Variants in SUSD6 observed in about 807,000 individuals in gnomAD.
SUSD6 encodes the protein sushi domain containing 6.
In SUSD6, 16 loss-of-function variants were observed where a neutral mutation model predicts 28.4. The ratio of observed to expected loss-of-function variants is 0.56; its 90% CI spans 0.38 to 0.86. SUSD6 has a LOEUF of 0.86. Ranked by LOEUF, SUSD6 falls within the 40% of genes least tolerant of loss-of-function variation. The pLI is 0.00. For synonymous variants in SUSD6, 147 were observed against 159.6 expected (o/e 0.92, Z 0.59); for missense variants, 341 against 384.2 (o/e 0.89, Z 0.94).
intron 1 of SUSD6, among the ~76,000 whole-genome samples, chr14:69,655,635 T>C (rs1381374729): frequency 1.3e-5 from 2 of 150,584 alleles, no homozygotes; most frequent in Non-Finnish European, 3.0e-5. Flanking sequence ...CCTCTCTCTT[T>C]AAAAGAAAAA....
chr14:69,612,320 C>T (rs1416334493), intron 1 of SUSD6, among the ~76,000 whole-genome samples: 1 of 152,248 alleles, frequency 6.6e-6, no homozygotes, highest in Non-Finnish European at 1.5e-5. Flanking sequence ...TCTCAGAGCC[C>T]GCCTGTGCGC....
chr14:69,637,260 CCTTGGT>C (rs1885278423), intron 1 of SUSD6, among the ~76,000 whole-genome samples: 3 of 152,086 alleles, frequency 2.0e-5, no homozygotes, highest in Non-Finnish European at 4.4e-5. Flanking sequence ...GGGTGCCTCT[CCTTGGT>C]GCTGGCATTA....
At chr14:69,635,595 CCACACACACACACACACACA>C (rs3048696) in intron 1 of SUSD6, among the ~76,000 whole-genome samples, 13 of 143,614 alleles carry the variant, frequency 9.1e-5, no homozygotes, top group South Asian at 2.3e-4. Context: ...CCAAGGCACA[CCACACACACACACACACACA>C]CACACACACA....
chr14:69,674,670 G>A (rs570561428), intron 2 of SUSD6, among the ~76,000 whole-genome samples: 7 of 152,092 alleles, frequency 4.6e-5, no homozygotes, highest in African/African-American at 1.4e-4. Context: ...ATTTGACCCC[G>A]TTTTCAGCCT....
chr14:69,654,758 T>C (rs1885553568), intron 1 of SUSD6, among the ~76,000 whole-genome samples: 1 of 151,234 alleles, frequency 6.6e-6, no homozygotes, highest in East Asian at 2.0e-4. Context: ...AGGCGACCAT[T>C]AGTTACCAAT....
intron 2 of SUSD6, among the ~76,000 whole-genome samples, chr14:69,683,662 A>G (rs963839327): frequency 2.0e-5 from 3 of 152,162 alleles, no homozygotes; most frequent in African/African-American, 7.2e-5. Flanking sequence ...TGTTGGAGAA[A>G]TGGAACAAGC....
chr14:69,680,866 A>T (rs1885987931), intron 2 of SUSD6, among the ~76,000 whole-genome samples: 1 of 152,170 alleles, frequency 6.6e-6, no homozygotes. Flanking sequence ...TCCCACTGAT[A>T]GCCTTTCCAG....
In SUSD6 at chr14:69,667,543, A is replaced by ATT. The variant is rs953236694; in HGVS notation, c.121+8842_121+8843dup. On this transcript the variant is annotated intron_variant, in intron 2 of 5. Coordinates refer to ENST00000342745, the MANE Select transcript of SUSD6 (RefSeq NM_014734.4). ...AGACACCCGCCGCCACACCCAGCTAATTTTTTTTTTTTTGTATTTTTAGTA... is the reference window on the plus strand; with the variant it reads ...AGACACCCGCCGCCACACCCAGCTAATTTTTTTTTTTTTTTGTATTTTTAGTA... Among the ~76,000 whole-genome samples the ATT allele has an allele frequency of 6.0e-4, 86 of 143,198 alleles. 1 individual carries two copies. In the South Asian group the frequency reaches 0.011, roughly 18 times the overall value. 93.9% of individuals were successfully genotyped at this position (143,198 alleles called of 152,430 possible).
intron 1 of SUSD6, among the ~76,000 whole-genome samples, chr14:69,621,761 G>C (rs554557814): frequency 4.9e-4 from 74 of 152,280 alleles, no homozygotes; most frequent in Non-Finnish European, 9.1e-4. Context: ...ACTGTTTTTG[G>C]GGGGGCAGTT....
At chr14:69,674,043 C>T (rs116903866) in intron 2 of SUSD6, among the ~76,000 whole-genome samples, 446 of 152,282 alleles carry the variant, frequency 2.9e-3, no homozygotes, top group Non-Finnish European at 5.2e-3. Context: ...GAGACTGGCT[C>T]GCCAAAAGTG....
At chr14:69,705,641 G>T (rs1226537809) in intron 4 of SUSD6, among the ~76,000 whole-genome samples, 2 of 152,140 alleles carry the variant, frequency 1.3e-5, no homozygotes, top group African/African-American at 2.4e-5. Flanking sequence ...TGATTTATTT[G>T]GTTTGGAATG....
In SUSD6 at chr14:69,658,587, T is replaced by C; in HGVS notation, c.-6T>C. 6.2e-7 allele frequency: 1 copy of C among 1,613,928 alleles called. No individual in the cohort carries two copies. Among genetic ancestry groups the C allele is most frequent in the Non-Finnish European group, 8.5e-7 (1 of 1,179,946 alleles). On this transcript the variant is annotated 5_prime_UTR_variant, in exon 2 of 6. Coordinates refer to ENST00000342745, the MANE Select transcript of SUSD6 (RefSeq NM_014734.4). ...TTCTTTTTAAAAAAACTTGGACGGA[T>C]AAAAGATGTGCCATGGCAGGATAGC...
rs2139614977 is a variant in SUSD6, at chr14:69,658,837, G to A, written c.121+124G>A. The A allele has an allele frequency of 7.1e-6, 9 of 1,270,020 alleles. No homozygotes were observed. In the South Asian group the frequency reaches 1.2e-4, roughly 17 times the overall value. The allele number at this position is 1,270,020 out of a possible 1,614,324, so 78.7% of individuals were successfully genotyped here. ...TTTCAGGGAGAGCAGAGGGTGGAGG[G>A]CTTTTGTGGTAAATATAGCAGGGAG... On this transcript the variant is annotated intron_variant, in intron 2 of 5. Coordinates refer to ENST00000342745, the MANE Select transcript of SUSD6 (RefSeq NM_014734.4).
chr14:69,652,705 A>AGCT (rs1885522050), intron 1 of SUSD6, among the ~76,000 whole-genome samples: 1 of 152,148 alleles, frequency 6.6e-6, no homozygotes, highest in Non-Finnish European at 1.5e-5. Context: ...GGCTGGCCCT[A>AGCT]GCTGCTGCTG....
intron 2 of SUSD6, chr14:69,670,581 C>T: frequency 2.2e-6 from 1 of 448,230 alleles, no homozygotes; most frequent in South Asian, 1.6e-5. Flanking sequence ...GGGCCAGACA[C>T]GCTGGTTTGA....
intron 2 of SUSD6, 142 bp downstream of exon 2, chr14:69,658,855 G>A (rs1885623235): frequency 9.2e-7 from 1 of 1,085,608 alleles, no homozygotes; most frequent in South Asian, 1.5e-5. Flanking sequence ...GGTAAATATA[G>A]CAGGGAGCCA....
chr14:69,685,062 A>G (rs1886052412), intron 2 of SUSD6, among the ~76,000 whole-genome samples: 1 of 152,182 alleles, frequency 6.6e-6, no homozygotes, highest in Admixed American at 6.5e-5. Context: ...TCACAGTGGG[A>G]AATTTTCACA....
At chr14:69,697,963 G>A (rs1297085122) in intron 2 of SUSD6, among the ~76,000 whole-genome samples, 3 of 152,246 alleles carry the variant, frequency 2.0e-5, no homozygotes, top group Non-Finnish European at 2.9e-5. Context: ...GACCCCAACA[G>A]AGGATTCTTG....
intron 1 of SUSD6, chr14:69,617,251 C>T (rs952840095): frequency 4.6e-5 from 7 of 152,070 alleles, no homozygotes; most frequent in East Asian, 3.9e-4. Flanking sequence ...TTGCTAAGAA[C>T]GTGTGTATAA....
Sources: gnomAD v4.1 joint callset for allele counts (sites outside exome capture counted in the v4.1 genomes callset) on GRCh38, gnomAD v4.1.1 for gene constraint, MANE v1.5 for transcripts, NCBI Gene and HGNC (gene_info 2026-07-23, HGNC 2026-07-21) for gene names.